Variants in ZNF451 observed in about 807,000 individuals in gnomAD.
ZNF451 encodes E3 SUMO-protein ligase ZNF451.
ZNF451 carries 80 observed loss-of-function variants against 107.1 expected under a neutral mutation model. That is an observed-to-expected ratio of 0.75 (90% CI 0.62 to 0.90). The LOEUF (loss-of-function observed/expected upper bound fraction) is 0.90. Among genes scored for constraint, ZNF451 ranks in the 40% least tolerant of loss-of-function variants. The pLI is 0.00. For missense variants in ZNF451, 1,107 were observed against 1,236.2 expected, an observed-to-expected ratio of 0.90 and a Z score of 1.57; for synonymous variants, 362 against 406.5, an observed-to-expected ratio of 0.89 and a Z score of 1.32.
In ZNF451 at chr6:57,133,038, G is replaced by A. The variant is rs529005472; in HGVS notation, c.425-4G>A. On this transcript the variant is annotated splice_region_variant and splice_polypyrimidine_tract_variant and intron_variant, in intron 5 of 14. Transcript: ENST00000370706. ...ACCTAAGAATTCATATTCTGATGAT[G>A]CAGGACTCAAAACAGGCACAATTAA... The A allele has an allele frequency of 1.2e-6, 2 of 1,614,008 alleles. No individual in the cohort carries two copies. Among genetic ancestry groups the A allele is most frequent in the South Asian group, 1.1e-5 (1 of 91,058 alleles).
chr6:57,110,612 C>T (rs1449197879), intron 3 of ZNF451, among the ~76,000 whole-genome samples: 1 of 152,070 alleles, frequency 6.6e-6, no homozygotes, highest in Non-Finnish European at 1.5e-5. Context: ...GAAAGGTGTC[C>T]TCAGGGTAGC....
At chr6:57,149,723 T>C (rs1832256753) in intron 10 of ZNF451, among the ~76,000 whole-genome samples, 1 of 152,220 alleles carries the variant, frequency 6.6e-6, no homozygotes, top group South Asian at 2.1e-4. Context: ...AGTCATGGCA[T>C]GTTTTCAGTG....
chr6:57,132,929 C>T, intron 5 of ZNF451, 113 bp from the exon 6 acceptor site: 1 of 1,000,876 alleles, frequency 1.0e-6, no homozygotes, highest in Non-Finnish European at 1.5e-6. Context: ...TAATTAGCAT[C>T]ATCCAGTTGA....
intron 3 of ZNF451, among the ~76,000 whole-genome samples, chr6:57,118,109 A>C (rs146354759): frequency 6.6e-6 from 1 of 152,158 alleles, no homozygotes; most frequent in African/African-American, 2.4e-5. Flanking sequence ...TATCTTGATA[A>C]ATTTTCTGCA....
chr6:57,133,656 T>G (rs1236189974), intron 6 of ZNF451, among the ~76,000 whole-genome samples: 1 of 152,196 alleles, frequency 6.6e-6, no homozygotes, highest in Non-Finnish European at 1.5e-5. Context: ...TTTATCAATT[T>G]ACTGAGTTTG....
intron 3 of ZNF451, among the ~76,000 whole-genome samples, chr6:57,110,118 G>A (rs139785689): frequency 9.6e-4 from 146 of 152,244 alleles, no homozygotes; most frequent in African/African-American, 3.4e-3. Flanking sequence ...GCAAGAGTTA[G>A]TTGGCCTGGT....
chr6:57,133,888 C>T (rs537846625), intron 6 of ZNF451, among the ~76,000 whole-genome samples: 2 of 152,268 alleles, frequency 1.3e-5, no homozygotes, highest in Admixed American at 1.3e-4. Context: ...GTTGCCCAAG[C>T]TGGTCTTGAA....
chr6:57,149,048 A>G (rs1255843008), intron 10 of ZNF451, among the ~76,000 whole-genome samples: 1 of 152,176 alleles, frequency 6.6e-6, no homozygotes, highest in Non-Finnish European at 1.5e-5. Context: ...ATTTGGGTTA[A>G]CTAAAAAGAT....
At chr6:57,168,276 G>C in intron 14 of ZNF451, 147 bp from the exon 15 acceptor site, 1 of 541,174 alleles carries the variant, frequency 1.8e-6, no homozygotes, top group East Asian at 3.2e-5. Flanking sequence ...CAATTTTTTA[G>C]TAGAGAAACT....
chr6:57,144,802 C>T (rs930320039), intron 9 of ZNF451, among the ~76,000 whole-genome samples: 4 of 151,868 alleles, frequency 2.6e-5, no homozygotes, highest in Non-Finnish European at 5.9e-5. Context: ...TGGTGGTGAG[C>T]GCCTGTAATC....
intron 12 of ZNF451, 54 bp downstream of exon 12, chr6:57,152,405 T>C: frequency 1.2e-6 from 2 of 1,603,196 alleles, no homozygotes; most frequent in Non-Finnish European, 1.7e-6. Context: ...CACTTGCATT[T>C]TTTTCCCCAC....
intron 3 of ZNF451, among the ~76,000 whole-genome samples, chr6:57,100,384 C>T (rs1426183598): frequency 1.3e-5 from 2 of 152,034 alleles, no homozygotes; most frequent in Non-Finnish European, 2.9e-5. Context: ...AGATTAATGC[C>T]AGTAGTTGAT....
chr6:57,139,236 A>G (rs980450671), intron 7 of ZNF451, among the ~76,000 whole-genome samples: 1 of 152,134 alleles, frequency 6.6e-6, no homozygotes. Flanking sequence ...AGCAGCATAT[A>G]ATTCATAACC....
chr6:57,123,386 A>G (rs1176902802), intron 3 of ZNF451, among the ~76,000 whole-genome samples: 1 of 152,190 alleles, frequency 6.6e-6, no homozygotes, highest in South Asian at 2.1e-4. Context: ...GGAAGCTGCT[A>G]CCCTAAGCAA....
At chr6:57,141,513 C>A in intron 8 of ZNF451, 58 bp downstream of exon 8, 5 of 1,461,720 alleles carry the variant, frequency 3.4e-6, no homozygotes, top group South Asian at 1.4e-5. Flanking sequence ...GCTGATTTAT[C>A]ATACTTCTCA....
chr6:57,152,350 A>T lies in ZNF451; in HGVS notation c.2882A>T (p.His961Leu). 1 of 1,611,868 alleles carries T rather than the reference A, an allele frequency of 6.2e-7. No homozygotes were observed. Among genetic ancestry groups the T allele is most frequent in the Non-Finnish European group, 8.5e-7 (1 of 1,179,574 alleles). ...KDAADFAICM[H>L]AGRLDEQLPK... Reference sequence around the variant, plus strand: ...GCTGCTGATTTTGCCATATGTATGCATGTGAGTCATTGTTTTATTCAAAAT... The same window carrying T: ...GCTGCTGATTTTGCCATATGTATGCTTGTGAGTCATTGTTTTATTCAAAAT... Residue 961 changes from histidine (H) to leucine (L), a missense_variant and splice_region_variant, in exon 12 of 15, where the codon CAT (histidine) becomes CTT (leucine). Physicochemically the swap from His to Leu is moderately conservative, Grantham distance 99 (BLOSUM62 -3). Coordinates refer to ENST00000370706, the MANE Select transcript of ZNF451 (RefSeq NM_001031623.3).
Position 57,141,359 on chromosome 6 carries a change from G to T in ZNF451, c.760G>T (p.Ala254Ser). 6.2e-7 allele frequency: 1 copy of T among 1,613,078 alleles called. No homozygotes were observed. The highest frequency in any genetic ancestry group is 8.5e-7 in the Non-Finnish European group (1 of 1,179,528). Residue 254 changes from alanine (A) to serine (S), a missense_variant, in exon 8 of 15, where the codon GCA (alanine) becomes TCA (serine). Ala to Ser is a moderately conservative substitution (Grantham distance 99, BLOSUM62 1). Transcript: ENST00000370706. ...TCTTCCTCAGATTATTCAGTGTTTTGCATGTCCAAATTGCTTCCTTCTTTT... is the reference window on the plus strand; with the variant it reads ...TCTTCCTCAGATTATTCAGTGTTTTTCATGTCCAAATTGCTTCCTTCTTTT... ...NLLPQIIQCF[A>S]CPNCFLLFSR...
intron 2 of ZNF451, among the ~76,000 whole-genome samples, chr6:57,098,336 TAATC>T (rs948849912): frequency 2.0e-5 from 3 of 151,792 alleles, no homozygotes; most frequent in Non-Finnish European, 4.4e-5. Flanking sequence ...CCTGGCCTAA[TAATC>T]AATCTCTTTT....
chr6:57,107,075 G>A, intron 3 of ZNF451: 8 of 984,612 alleles, frequency 8.1e-6, no homozygotes, highest in Non-Finnish European at 9.6e-6. Flanking sequence ...CTTTACTAGT[G>A]TTTGGTACCA....
Sources: allele counts gnomAD v4.1 joint callset (sites outside exome capture counted in the v4.1 genomes callset), GRCh38; gene constraint gnomAD v4.1.1; transcripts MANE v1.5; gene names NCBI Gene and HGNC (gene_info 2026-07-23, HGNC 2026-07-21).